The following HEMK2 variants were observed in gnomAD, a reference collection of about 807,000 sequenced individuals.
HEMK2 encodes HemK methyltransferase 2, ETF1 glutamine and histone H4 lysine.
the HEMK2 span, among the ~76,000 whole-genome samples, chr21:28,821,376 T>A: frequency 1.3e-5 from 2 of 152,116 alleles, no homozygotes; most frequent in African/African-American, 4.8e-5. Context: ...TCTGTAAAAG[T>A]GGAGATAATA....
At chr21:28,838,199 G>A in the HEMK2 span, among the ~76,000 whole-genome samples, 1 of 152,112 alleles carries the variant, frequency 6.6e-6, no homozygotes, top group Non-Finnish European at 1.5e-5. Context: ...TATAAAGGCA[G>A]CATTACCCTA....
chr21:28,685,449 A>G, the HEMK2 span, among the ~76,000 whole-genome samples: 1 of 152,144 alleles, frequency 6.6e-6, no homozygotes, highest in African/African-American at 2.4e-5. Context: ...CTCTTTTTTA[A>G]ACTTTAGCTA....
the HEMK2 span, among the ~76,000 whole-genome samples, chr21:28,879,288 G>A: frequency 6.6e-6 from 1 of 152,100 alleles, no homozygotes; most frequent in African/African-American, 2.4e-5. Context: ...TATCGTCCAG[G>A]CTGGAGTGCA....
the HEMK2 span, among the ~76,000 whole-genome samples, chr21:28,877,880 G>C: frequency 6.6e-6 from 1 of 152,174 alleles, no homozygotes; most frequent in Non-Finnish European, 1.5e-5. Flanking sequence ...ATGAAGACTA[G>C]AGGGTAGAGA....
the HEMK2 span, among the ~76,000 whole-genome samples, chr21:28,863,432 A>T: frequency 7.7e-3 from 458 of 59,782 alleles, 17 homozygotes; most frequent in Middle Eastern, 0.021. Flanking sequence ...ATATATATAT[A>T]TATATATATA....
the HEMK2 span, among the ~76,000 whole-genome samples, chr21:28,624,976 T>TAAAA: frequency 6.6e-6 from 1 of 152,352 alleles, no homozygotes; most frequent in African/African-American, 2.4e-5. Flanking sequence ...GTAAGACTTT[T>TAAAA]GTCTGGTAGG....
chr21:28,604,998 C>T, the HEMK2 span, among the ~76,000 whole-genome samples: 2 of 152,202 alleles, frequency 1.3e-5, no homozygotes, highest in Non-Finnish European at 2.9e-5. Flanking sequence ...GCACTGACCA[C>T]GTCCTTGAAT....
At chr21:28,765,274 G>T in the HEMK2 span, among the ~76,000 whole-genome samples, 1 of 152,080 alleles carries the variant, frequency 6.6e-6, no homozygotes, top group Non-Finnish European at 1.5e-5. Context: ...AGGTGAGACT[G>T]CAGCTCCATT....
chr21:28,668,156 T>A, the HEMK2 span, among the ~76,000 whole-genome samples: 12 of 152,160 alleles, frequency 7.9e-5, no homozygotes, highest in Non-Finnish European at 1.6e-4. Context: ...AAGATAACCT[T>A]AAATAAGGCA....
chr21:28,837,500 CA>C, the HEMK2 span, among the ~76,000 whole-genome samples: 1 of 152,166 alleles, frequency 6.6e-6, no homozygotes, highest in Non-Finnish European at 1.5e-5. Context: ...AACTGAATGA[CA>C]ATAATGATAC....
the HEMK2 span, among the ~76,000 whole-genome samples, chr21:28,672,345 G>T: frequency 6.6e-6 from 1 of 151,968 alleles, no homozygotes; most frequent in East Asian, 1.9e-4. Flanking sequence ...GGAAATTTAA[G>T]ATGTAGAAAA....
the HEMK2 span, among the ~76,000 whole-genome samples, chr21:28,838,523 G>C: frequency 3.4e-5 from 5 of 148,712 alleles, no homozygotes; most frequent in Admixed American, 2.7e-4. Flanking sequence ...GACAGAGTGA[G>C]ACTCTGTCTC....
the HEMK2 span, among the ~76,000 whole-genome samples, chr21:28,867,594 G>A: frequency 6.6e-6 from 1 of 152,200 alleles, no homozygotes; most frequent in African/African-American, 2.4e-5. Flanking sequence ...TTTTGGGTCA[G>A]AGACAAGGAA....
the HEMK2 span, among the ~76,000 whole-genome samples, chr21:28,779,460 G>C: frequency 6.6e-6 from 1 of 152,188 alleles, no homozygotes; most frequent in Non-Finnish European, 1.5e-5. Context: ...GCCAGAGGTT[G>C]GGAGGAGGGT....
chr21:28,775,870 A>C, the HEMK2 span, among the ~76,000 whole-genome samples: 7 of 152,144 alleles, frequency 4.6e-5, no homozygotes, highest in Non-Finnish European at 8.8e-5. Context: ...TAAATTAGAG[A>C]GCAAAGTGAA....
chr21:28,793,314 A>C, the HEMK2 span, among the ~76,000 whole-genome samples: 8 of 152,248 alleles, frequency 5.3e-5, no homozygotes, highest in African/African-American at 1.9e-4. Flanking sequence ...CTTTTTGGGA[A>C]GTGGCTGGTC....
the HEMK2 span, among the ~76,000 whole-genome samples, chr21:28,611,072 T>G: frequency 6.6e-6 from 1 of 152,174 alleles, no homozygotes; most frequent in African/African-American, 2.4e-5. Flanking sequence ...TTACAGAACA[T>G]TCTACCCAAC....
the HEMK2 span, among the ~76,000 whole-genome samples, chr21:28,763,864 T>C: frequency 6.6e-6 from 1 of 152,060 alleles, no homozygotes; most frequent in Non-Finnish European, 1.5e-5. Flanking sequence ...TCTCTGGCCA[T>C]TGTAGCCCAC....
the HEMK2 span, among the ~76,000 whole-genome samples, chr21:28,766,864 G>A: frequency 6.6e-6 from 1 of 151,990 alleles, no homozygotes; most frequent in African/African-American, 2.4e-5. Flanking sequence ...AGGTTGGGAG[G>A]GGGTGAGGGA....
Sources: allele counts gnomAD v4.1 joint callset (sites outside exome capture counted in the v4.1 genomes callset), GRCh38; gene constraint gnomAD v4.1.1; transcripts MANE v1.5; gene names NCBI Gene and HGNC (gene_info 2026-07-23, HGNC 2026-07-21).